DENND2B: variants seen among roughly 807,000 people sequenced by gnomAD.
The protein encoded by DENND2B is DENN domain-containing protein 2B.
In DENND2B, 32 loss-of-function variants were observed where a neutral mutation model predicts 116.0. That is an observed-to-expected ratio of 0.28 (90% CI 0.21 to 0.37). DENND2B has a LOEUF of 0.37. DENND2B is among the 10% of genes least tolerant of loss of function. The pLI is 1.00. For missense variants in DENND2B, 1,276 were observed against 1,477.7 expected, an observed-to-expected ratio of 0.86 and a Z score of 2.24; for synonymous variants, 588 against 583.9, an observed-to-expected ratio of 1.01 and a Z score of -0.10.
chr11:8,771,387 TGTGA>T (rs992720351), intron 1 of DENND2B, among the ~76,000 whole-genome samples: 32 of 151,984 alleles, frequency 2.1e-4, no homozygotes, highest in African/African-American at 4.6e-4. Context: ...ATGCAGGGGC[TGTGA>T]GTGTGTGTGT....
chr11:8,745,442 G>C (rs1242587315), intron 2 of DENND2B, among the ~76,000 whole-genome samples: 1 of 152,156 alleles, frequency 6.6e-6, no homozygotes, highest in Non-Finnish European at 1.5e-5. Flanking sequence ...AGATTTTAGG[G>C]GAGAGAGTGA....
At chr11:8,718,367 G>A (rs1050703253) in intron 4 of DENND2B, 3 of 1,535,262 alleles carry the variant, frequency 2.0e-6, no homozygotes, top group Non-Finnish European at 1.7e-6. Context: ...ACTTTGGAGG[G>A]TGGGCATGGA....
intron 2 of DENND2B, among the ~76,000 whole-genome samples, chr11:8,870,613 G>C (rs1408809023): frequency 6.6e-6 from 1 of 151,990 alleles, no homozygotes; most frequent in Non-Finnish European, 1.5e-5. Flanking sequence ...CGAGAGGCAA[G>C]GCGGTGCGCA....
chr11:8,728,553 T>G (rs938806063), intron 3 of DENND2B, among the ~76,000 whole-genome samples: 1 of 150,900 alleles, frequency 6.6e-6, no homozygotes, highest in African/African-American at 2.4e-5. Flanking sequence ...AAATGCAGTG[T>G]GGGGTGGAAT....
At chr11:8,773,847 CTG>C (rs1028631855) in intron 1 of DENND2B, among the ~76,000 whole-genome samples, 5 of 152,152 alleles carry the variant, frequency 3.3e-5, no homozygotes, top group Non-Finnish European at 7.4e-5. Flanking sequence ...CTCTGTCTCT[CTG>C]TACTATCTTT....
intron 1 of DENND2B, among the ~76,000 whole-genome samples, chr11:8,774,863 GTT>G (rs764878186): frequency 7.3e-6 from 1 of 137,842 alleles, no homozygotes; most frequent in Non-Finnish European, 1.5e-5. Flanking sequence ...TATTTTTTTC[GTT>G]TTTTTTTTTT....
intron 1 of DENND2B, among the ~76,000 whole-genome samples, chr11:8,899,962 G>A (rs141449795): frequency 6.6e-6 from 1 of 152,172 alleles, no homozygotes. Flanking sequence ...TTGGACAGAA[G>A]TGTCTATATT....
chr11:8,707,058 G>A lies in DENND2B; in HGVS notation c.2571+27C>T, dbSNP rs376618945. The A allele has an allele frequency of 3.2e-5, 51 of 1,601,596 alleles. No individual in the cohort carries two copies. In the African/African-American group the frequency reaches 4.4e-4, roughly 14 times the overall value. ...CTCCTGCCACCCCAGCCCGTAGCCC[G>A]AGAGAAGAGGGTGCAGAAATCCCTA... On this transcript the variant is annotated intron_variant, in intron 13 of 19. Coordinates refer to ENST00000313726, the MANE Select transcript of DENND2B (RefSeq NM_213618.2). This position sits in a 1 kb window ranked among gnomAD's most constrained non-coding sequence, Gnocchi z 4.8.
At chr11:8,817,309 T>C (rs1024665639) in intron 4 of DENND2B, among the ~76,000 whole-genome samples, 3 of 152,126 alleles carry the variant, frequency 2.0e-5, no homozygotes, top group African/African-American at 7.2e-5. Context: ...AAAACAAATG[T>C]CTTCCTCAAG....
At chr11:8,746,392 G>A (rs942523232) in intron 2 of DENND2B, among the ~76,000 whole-genome samples, 1 of 152,230 alleles carries the variant, frequency 6.6e-6, no homozygotes, top group Non-Finnish European at 1.5e-5. Flanking sequence ...TTCCTCATTT[G>A]TAATGTAAGT....
At chr11:8,781,359 T>C (rs1170306762) in intron 1 of DENND2B, among the ~76,000 whole-genome samples, 2 of 151,620 alleles carry the variant, frequency 1.3e-5, no homozygotes, top group Admixed American at 6.6e-5. Flanking sequence ...TGGGAGGAGG[T>C]GAGGTGGCTT....
intron 1 of DENND2B, among the ~76,000 whole-genome samples, chr11:8,802,476 G>A (rs1001186178): frequency 6.6e-6 from 1 of 152,034 alleles, no homozygotes; most frequent in East Asian, 1.9e-4. Flanking sequence ...TCAATTTTAC[G>A]GAAGAGGAAC....
At chr11:8,786,346 T>C (rs1202851802) in intron 1 of DENND2B, among the ~76,000 whole-genome samples, 4 of 152,192 alleles carry the variant, frequency 2.6e-5, no homozygotes, top group African/African-American at 7.2e-5. Flanking sequence ...AAATAAAACA[T>C]ACTTCTTGGT....
intron 3 of DENND2B, among the ~76,000 whole-genome samples, chr11:8,847,174 C>CAGCT (rs2062844831): frequency 6.6e-6 from 1 of 152,228 alleles, no homozygotes; most frequent in Non-Finnish European, 1.5e-5. Flanking sequence ...ACCAATGAGC[C>CAGCT]AGCTCTCCAG....
At chr11:8,746,043 G>C (rs1171665336) in intron 2 of DENND2B, among the ~76,000 whole-genome samples, 1 of 151,632 alleles carries the variant, frequency 6.6e-6, no homozygotes, top group Non-Finnish European at 1.5e-5. Flanking sequence ...TAAATAACCA[G>C]ACCAGTACTG....
chr11:8,793,609 C>T (rs1210258832), intron 1 of DENND2B, among the ~76,000 whole-genome samples: 10 of 152,160 alleles, frequency 6.6e-5, no homozygotes, highest in Admixed American at 6.5e-4. Flanking sequence ...TTTGTTTATT[C>T]GTCAGTCAGT....
chr11:8,847,569 C>T (rs1178180955), intron 3 of DENND2B, among the ~76,000 whole-genome samples: 1 of 152,016 alleles, frequency 6.6e-6, no homozygotes, highest in African/African-American at 2.4e-5. Flanking sequence ...GAAAACAAAG[C>T]TTAACGATAG....
chr11:8,738,974 A>G (rs1159151807), intron 2 of DENND2B, among the ~76,000 whole-genome samples: 2 of 152,178 alleles, frequency 1.3e-5, no homozygotes, highest in Non-Finnish European at 2.9e-5. Flanking sequence ...ATAACACTGC[A>G]TTGCACCAGA....
chr11:8,894,607 T>C (rs2064076439), intron 1 of DENND2B, among the ~76,000 whole-genome samples: 1 of 152,112 alleles, frequency 6.6e-6, no homozygotes, highest in Admixed American at 6.5e-5. Context: ...CAGACACTTC[T>C]CAAAAGAAGA....
Sources: allele counts gnomAD v4.1 joint callset (sites outside exome capture counted in the v4.1 genomes callset), GRCh38; gene constraint gnomAD v4.1.1; non-coding constraint Gnocchi (gnomAD v3.1); transcripts MANE v1.5; gene names NCBI Gene and HGNC (gene_info 2026-07-23, HGNC 2026-07-21).